CSTF3: variants seen among roughly 807,000 people sequenced by gnomAD.
CSTF3 encodes cleavage stimulation factor subunit 3, also known as CF-1 77 kDa subunit.
CSTF3 carries 29 observed loss-of-function variants against 105.8 expected under a neutral mutation model. That is an observed-to-expected ratio of 0.27 (90% confidence interval 0.20 to 0.37). The LOEUF is 0.37. Among genes scored for constraint, CSTF3 ranks in the 10% least tolerant of loss-of-function variants. CSTF3 has a pLI of 1.00. For synonymous variants in CSTF3, 252 were observed against 281.9 expected (o/e 0.89, Z 1.06); for missense variants, 357 against 879.3 (o/e 0.41, Z 7.51).
At chr11:33,123,839 C>T (rs2133788589) in intron 3 of CSTF3, among the ~76,000 whole-genome samples, 1 of 152,104 alleles carries the variant, frequency 6.6e-6, no homozygotes, top group Middle Eastern at 3.4e-3. Context: ...GGTGACTTTT[C>T]ACTGTAGGTT....
At chr11:33,107,169 C>T (rs183376619) in intron 5 of CSTF3, among the ~76,000 whole-genome samples, 1 of 151,272 alleles carries the variant, frequency 6.6e-6, no homozygotes, top group Non-Finnish European at 1.5e-5. Flanking sequence ...GAAAAAAAAT[C>T]AGCCAGGTGT....
chr11:33,087,521 C>T (rs1855118168), intron 17 of CSTF3, among the ~76,000 whole-genome samples: 1 of 152,188 alleles, frequency 6.6e-6, no homozygotes, highest in Non-Finnish European at 1.5e-5. Context: ...TAGAATTGAA[C>T]ACCAGTTTCA....
intron 3 of CSTF3, among the ~76,000 whole-genome samples, chr11:33,137,964 T>G (rs1855672140): frequency 6.6e-6 from 1 of 151,794 alleles, no homozygotes; most frequent in Admixed American, 6.6e-5. Context: ...AGGACACTCA[T>G]GTTGCATCCT....
chr11:33,124,200 CTA>C, intron 3 of CSTF3, among the ~76,000 whole-genome samples: 1 of 152,040 alleles, frequency 6.6e-6, no homozygotes, highest in East Asian at 1.9e-4. Context: ...AAAAAGAAAA[CTA>C]TCAACCTTAA....
intron 20 of CSTF3, 86 bp from the exon 21 acceptor site, chr11:33,085,375 C>T: frequency 1.6e-6 from 1 of 628,352 alleles, no homozygotes; most frequent in South Asian, 2.7e-5. Context: ...TATTTCATAG[C>T]CTACTATTTT....
chr11:33,142,559 G>A (rs1395894499), intron 1 of CSTF3, among the ~76,000 whole-genome samples: 1 of 152,000 alleles, frequency 6.6e-6, no homozygotes, highest in African/African-American at 2.4e-5. Flanking sequence ...ACTTACTTTT[G>A]TATTAAATAC....
At chr11:33,098,961 A>G (rs1855252323) in intron 12 of CSTF3, 73 bp downstream of exon 12, 1 of 1,514,542 alleles carries the variant, frequency 6.6e-7, no homozygotes. Context: ...CTGGCAAACA[A>G]GCAGCCAGAA....
chr11:33,155,974 A>C lies in CSTF3; in HGVS notation c.27+5325T>G, dbSNP rs571627643. Among the ~76,000 whole-genome samples the C allele has an allele frequency of 2.0e-5, 3 of 152,348 alleles. No homozygotes were observed. The Middle Eastern group carries it at 0.01, about 518-fold the overall frequency. ...AGGTCTATCTGGGATGTAAATGCCT[A>C]CATTCCCTGAAATAATGTTGAAGGA... On this transcript the variant is annotated intron_variant, in intron 1 of 20. Coordinates refer to ENST00000323959, the MANE Select transcript of CSTF3 (RefSeq NM_001326.3).
intron 1 of CSTF3, among the ~76,000 whole-genome samples, chr11:33,152,908 G>C (rs752419225): frequency 6.6e-6 from 1 of 151,506 alleles, no homozygotes; most frequent in South Asian, 2.1e-4. Context: ...CAGTGAGCTG[G>C]GATCGCACCA....
chr11:33,135,291 C>A (rs1253689444), intron 3 of CSTF3, among the ~76,000 whole-genome samples: 1 of 152,098 alleles, frequency 6.6e-6, no homozygotes, highest in Non-Finnish European at 1.5e-5. Context: ...AAAGATCACT[C>A]GATTATATAC....
intron 1 of CSTF3, among the ~76,000 whole-genome samples, chr11:33,147,786 T>C (rs773228579): frequency 2.6e-5 from 4 of 152,100 alleles, no homozygotes; most frequent in African/African-American, 9.7e-5. Context: ...GGGGATGGGA[T>C]AGACAAAGAA....
At chr11:33,119,968 T>A (rs1855470077) in intron 3 of CSTF3, among the ~76,000 whole-genome samples, 1 of 151,790 alleles carries the variant, frequency 6.6e-6, no homozygotes, top group African/African-American at 2.4e-5. Context: ...ATTGGTCATA[T>A]TTACTTAAAT....
intron 3 of CSTF3, among the ~76,000 whole-genome samples, chr11:33,117,719 A>G (rs1855446693): frequency 6.6e-6 from 1 of 151,908 alleles, no homozygotes; most frequent in Admixed American, 6.6e-5. Flanking sequence ...TTGAGAACCT[A>G]TATTACCAAA....
chr11:33,085,573 T>G, intron 20 of CSTF3, 140 bp downstream of exon 20: 1 of 735,330 alleles, frequency 1.4e-6, no homozygotes. Flanking sequence ...CCAAAGAGGG[T>G]TTGGGTAACT....
intron 8 of CSTF3, among the ~76,000 whole-genome samples, chr11:33,103,489 A>T (rs1434863338): frequency 6.6e-6 from 1 of 152,150 alleles, no homozygotes; most frequent in Admixed American, 6.5e-5. Flanking sequence ...TACTGAAAAA[A>T]AAATGACATG....
rs1855251152 is a variant in CSTF3 at position 33,098,844 on chromosome 11, A to G, written c.1054-80T>C. On this transcript the variant is annotated intron_variant, in intron 12 of 20. Coordinates refer to ENST00000323959, the MANE Select transcript of CSTF3 (RefSeq NM_001326.3). ...TTGAGCTCCAAGGAATCCAAAGGCT[A>G]TAACCTCCCACCCCCAATGGCATCT... 3.2e-6 allele frequency: 4 copies of G among 1,257,470 alleles called. No individual in the cohort carries two copies. In the Middle Eastern group the frequency reaches 5.9e-4, roughly 184 times the overall value. 77.9% of individuals were successfully genotyped at this position (1,257,470 alleles called of 1,614,324 possible). A position where few individuals can be genotyped will look rare whatever the true frequency, so the allele number is the denominator to read the frequency against.
intron 5 of CSTF3, 87 bp from the exon 6 acceptor site, chr11:33,106,151 T>C (rs1210646019): frequency 8.1e-6 from 8 of 992,840 alleles, no homozygotes; most frequent in Non-Finnish European, 1.1e-5. Flanking sequence ...GGCTCATGCC[T>C]GTAATCCCAC....
At chr11:33,141,098 A>G (rs1411088006) in intron 3 of CSTF3, 1 of 152,098 alleles carries the variant, frequency 6.6e-6, no homozygotes, top group Non-Finnish European at 1.5e-5. Context: ...TTATGATTAA[A>G]TAGGATTAAA....
chr11:33,154,638 A>C (rs1337487089), intron 1 of CSTF3, among the ~76,000 whole-genome samples: 1 of 151,928 alleles, frequency 6.6e-6, no homozygotes, highest in Middle Eastern at 3.2e-3. Flanking sequence ...CTGGGATTAC[A>C]GGTATGCACC....
Sources: allele counts gnomAD v4.1 joint callset (sites outside exome capture counted in the v4.1 genomes callset), GRCh38; gene constraint gnomAD v4.1.1; transcripts MANE v1.5; gene names NCBI Gene and HGNC (gene_info 2026-07-23, HGNC 2026-07-21).